DCHS2: variants seen among roughly 807,000 people sequenced by gnomAD.
DCHS2 encodes protocadherin-23.
In DCHS2, 142 loss-of-function variants were observed where a neutral mutation model predicts 182.4. The observed-to-expected ratio is 0.78, with a 90% CI of 0.68 to 0.89. The LOEUF (loss-of-function observed/expected upper bound fraction) is 0.89. Among genes scored for constraint, DCHS2 ranks in the 40% least tolerant of loss-of-function variants. DCHS2 has a pLI of 0.00. For missense variants in DCHS2, 4,319 were observed against 4,198.6 expected, an observed-to-expected ratio of 1.03 and a Z score of -0.79; for synonymous variants, 1,740 against 1,663.3, an observed-to-expected ratio of 1.05 and a Z score of -1.12.
rs1477461567 is a variant in DCHS2, at chr4:154,336,781, G to A, written c.2477-1677C>T. Among the ~76,000 whole-genome samples, 4 of 152,020 alleles carry A rather than the reference G, an allele frequency of 2.6e-5. 1 individual carries two copies. The South Asian group carries it at 6.2e-4, about 24-fold the overall frequency. The stretch of plus-strand genomic sequence containing the variant: ...CAATAAAATTACATATGTTTAAGGT[G>A]TACAATTTGACAATTTGTGATTATA... On this transcript the variant is annotated intron_variant, in intron 3 of 19. Coordinates refer to ENST00000357232, the MANE Select transcript of DCHS2 (RefSeq NM_001358235.2).
intron 7 of DCHS2, among the ~76,000 whole-genome samples, chr4:154,324,500 C>T (rs750755390): frequency 1.4e-4 from 21 of 152,082 alleles, no homozygotes; most frequent in African/African-American, 4.8e-4. Flanking sequence ...TTTCAGTGCA[C>T]GGAGAATACA....
chr4:154,424,533 T>A (rs1048483504), intron 1 of DCHS2, among the ~76,000 whole-genome samples: 2 of 152,042 alleles, frequency 1.3e-5, no homozygotes, highest in Non-Finnish European at 2.9e-5. Flanking sequence ...TAAAATGAGA[T>A]CTCTTTTGAG....
At chr4:154,357,182 T>G in intron 3 of DCHS2, 1 of 1,433,300 alleles carries the variant, frequency 7.0e-7, no homozygotes, top group Non-Finnish European at 9.8e-7. Context: ...GGTGAATGCT[T>G]CTGACTCTGG....
chr4:154,356,361 G>A (rs1283640572), intron 3 of DCHS2, among the ~76,000 whole-genome samples: 2 of 151,726 alleles, frequency 1.3e-5, no homozygotes, highest in African/African-American at 4.8e-5. Flanking sequence ...AAAAATTAAA[G>A]TTTATAAAGT....
intron 1 of DCHS2, among the ~76,000 whole-genome samples, chr4:154,381,007 C>G (rs1174100372): frequency 6.6e-6 from 1 of 152,008 alleles, no homozygotes; most frequent in Non-Finnish European, 1.5e-5. Flanking sequence ...CTCCATGGGC[C>G]CTTTCTCCAA....
chr4:154,255,451 C>A, intron 16 of DCHS2, 68 bp downstream of exon 16: 1 of 1,521,136 alleles, frequency 6.6e-7, no homozygotes. Flanking sequence ...AAGTTATGAA[C>A]AAAACAGCAA....
intron 1 of DCHS2, among the ~76,000 whole-genome samples, chr4:154,488,816 G>C (rs1299057136): frequency 6.6e-6 from 1 of 152,036 alleles, no homozygotes; most frequent in South Asian, 2.1e-4. Context: ...AGGTTGCAGT[G>C]AGCCGAGATT....
At chr4:154,391,759 C>A in intron 1 of DCHS2, among the ~76,000 whole-genome samples, 1 of 152,104 alleles carries the variant, frequency 6.6e-6, no homozygotes, top group Non-Finnish European at 1.5e-5. Flanking sequence ...TTTCTCCCTG[C>A]AATCACCTGT....
rs199514698 is a variant in DCHS2, at chr4:154,305,213, T to C, written c.5279A>G (p.Gln1760Arg). The C allele has an allele frequency of 5.5e-5, 88 of 1,610,862 alleles. 1 individual carries two copies. In the East Asian group the frequency reaches 1.5e-3, roughly 28 times the overall value. ...DRDSGVNSKL[Q>R]FEIMPGASFE... is the part of the protein sequence containing the mutation. ...TGAAGCACCTGGCATGATTTCAAAC[T>C]GAAGCTTGGAATTGACTCCTTAAGA... The change falls in exon 11 of 20, where the codon CAG becomes CGG. Residue 1760 changes from glutamine to arginine, a missense_variant. Coordinates refer to ENST00000357232, the MANE Select transcript of DCHS2 (RefSeq NM_001358235.2).
intron 1 of DCHS2, among the ~76,000 whole-genome samples, chr4:154,413,883 T>A (rs529530431): frequency 1.6e-4 from 24 of 152,334 alleles, no homozygotes; most frequent in Admixed American, 6.5e-4. Flanking sequence ...AACAGAACTT[T>A]TATTAAACTT....
At chr4:154,278,467 A>G (rs1733972190) in intron 13 of DCHS2, among the ~76,000 whole-genome samples, 1 of 151,708 alleles carries the variant, frequency 6.6e-6, no homozygotes, top group South Asian at 2.2e-4. Flanking sequence ...TGAAGAAACA[A>G]TGGCAAAAAA....
intron 10 of DCHS2, among the ~76,000 whole-genome samples, chr4:154,309,495 C>T (rs1300832592): frequency 6.6e-6 from 1 of 152,142 alleles, no homozygotes; most frequent in Non-Finnish European, 1.5e-5. Flanking sequence ...TTCTTCTTTC[C>T]CAGTATTAGG....
rs142851990 is a variant in DCHS2, at chr4:154,364,336, A to C, written c.2476+1874T>G. ...GGGAAAACTGAATGACGAGTGTGTG[A>C]ATGTCTTTTTAAAACAATCTGTTAA... On this transcript the variant is annotated intron_variant, in intron 3 of 19. Coordinates refer to ENST00000357232, the MANE Select transcript of DCHS2 (RefSeq NM_001358235.2). Among the ~76,000 whole-genome samples the C allele has an allele frequency of 3.8e-3, 575 of 152,306 alleles. 1 individual carries two copies. The highest frequency in any genetic ancestry group is 0.013 in the African/African-American group (547 of 41,576).
chr4:154,477,775 G>A (rs1455539268), intron 1 of DCHS2, among the ~76,000 whole-genome samples: 2 of 152,152 alleles, frequency 1.3e-5, no homozygotes, highest in African/African-American at 4.8e-5. Flanking sequence ...AGTGTCTTTG[G>A]CATTCAAAAC....
At chr4:154,238,386 T>A (rs1010848006) in intron 19 of DCHS2, among the ~76,000 whole-genome samples, 2 of 152,168 alleles carry the variant, frequency 1.3e-5, no homozygotes, top group South Asian at 4.1e-4. Flanking sequence ...GATGCAATGG[T>A]GGATAGAGAT....
intron 1 of DCHS2, among the ~76,000 whole-genome samples, chr4:154,444,262 T>A (rs1171207447): frequency 1.3e-5 from 2 of 152,180 alleles, no homozygotes; most frequent in Non-Finnish European, 2.9e-5. Flanking sequence ...TATATTCAGA[T>A]GTATATATCC....
chr4:154,270,309 A>G (rs1010666476), intron 13 of DCHS2, among the ~76,000 whole-genome samples: 4 of 152,112 alleles, frequency 2.6e-5, no homozygotes, highest in African/African-American at 9.7e-5. Flanking sequence ...TCAGGCCCTT[A>G]GAAAGAGAGA....
In DCHS2 at chr4:154,464,618, G is replaced by A. The variant is rs189300070; in HGVS notation, c.2052+24686C>T. 9.3e-4 allele frequency among the ~76,000 whole-genome samples: 142 copies of A among 152,264 alleles called. 1 individual carries two copies. The highest frequency in any genetic ancestry group is 3.3e-3 in the African/African-American group (137 of 41,552). On this transcript the variant is annotated intron_variant, in intron 1 of 19. Coordinates refer to ENST00000357232, the MANE Select transcript of DCHS2 (RefSeq NM_001358235.2). ...CATTAAAGGCACACAGATCTCTCACGTATAGTAAAGATTTACTGGGAAAGG... is the reference window on the plus strand; with the variant it reads ...CATTAAAGGCACACAGATCTCTCACATATAGTAAAGATTTACTGGGAAAGG...
In DCHS2 at chr4:154,235,091, A is replaced by C; in HGVS notation, c.9561T>G (p.Val3187=). 7.4e-6 allele frequency: 12 copies of C among 1,613,824 alleles called. No homozygotes were observed. The highest frequency in any genetic ancestry group is 9.3e-6 in the Non-Finnish European group (11 of 1,179,930). The part of the protein sequence containing the change: ...CAQNNVLPQT[V]QKREAKESIL... ...TGCTCTCTTTTGCCTCTCTCTTCTG[A>C]ACTGTCTGGGGTAACACATTATTTT... The change falls in exon 20 of 20, where the codon GTT becomes GTG. Residue 3187 remains valine, a synonymous_variant. Coordinates refer to ENST00000357232, the MANE Select transcript of DCHS2 (RefSeq NM_001358235.2).
Sources: gnomAD v4.1 joint callset for allele counts (sites outside exome capture counted in the v4.1 genomes callset) on GRCh38, gnomAD v4.1.1 for gene constraint, MANE v1.5 for transcripts, NCBI Gene and HGNC (gene_info 2026-07-23, HGNC 2026-07-21) for gene names.